SLC39A11: variants seen among roughly 807,000 people sequenced by gnomAD.
SLC39A11 encodes the protein zinc transporter ZIP11.
SLC39A11 carries 33 observed loss-of-function variants against 36.1 expected under a neutral mutation model. That is an observed-to-expected ratio of 0.91 (90% CI 0.69 to 1.22). The LOEUF (loss-of-function observed/expected upper bound fraction) is 1.22. Ranked by LOEUF, SLC39A11 falls within the 50% of genes most tolerant of loss-of-function variation. The pLI is 0.00. For synonymous variants in SLC39A11, 166 were observed against 170.3 expected (o/e 0.97, Z 0.20); for missense variants, 432 against 430.3 (o/e 1.00, Z -0.03).
chr17:72,751,393 C>T (rs141874388), intron 6 of SLC39A11, among the ~76,000 whole-genome samples: 75 of 152,266 alleles, frequency 4.9e-4, no homozygotes, highest in African/African-American at 8.2e-4. Context: ...GGCCCCCATC[C>T]TCTCATCGTC....
chr17:72,861,657 TTATATATATATATATATA>T (rs373265286), intron 5 of SLC39A11, among the ~76,000 whole-genome samples: 6 of 50,952 alleles, frequency 1.2e-4, no homozygotes, highest in South Asian at 1.5e-3. Flanking sequence ...ATACAACACA[TTATATATATATATATATA>T]TATATATATA....
chr17:72,798,476 C>T (rs932621381), intron 6 of SLC39A11, among the ~76,000 whole-genome samples: 7 of 145,808 alleles, frequency 4.8e-5, no homozygotes, highest in African/African-American at 7.5e-5. Flanking sequence ...TGCAATGGCA[C>T]GATCTCAGCT....
chr17:72,947,889 C>A lies in SLC39A11; in HGVS notation c.307-14G>T, dbSNP rs1486056598. ...TTCTGCTGCACCCTGAAACAAGAAG[C>A]GGTAACATCACTAGAGCACCACTAC... On this transcript the variant is annotated splice_polypyrimidine_tract_variant and intron_variant, in intron 4 of 9. Transcript: ENST00000255559. 1 of 1,612,592 alleles carries A rather than the reference C, an allele frequency of 6.2e-7. No individual in the cohort carries two copies. The highest frequency in any genetic ancestry group is 1.1e-5 in the South Asian group (1 of 91,074).
Position 73,031,642 on chromosome 17 carries a change from C to A in SLC39A11, c.220G>T (p.Gly74Cys). Residue 74 changes from glycine to cysteine, a missense_variant, in exon 4 of 10, where the codon GGT becomes TGT. Coordinates refer to ENST00000255559, the MANE Select transcript of SLC39A11 (RefSeq NM_139177.4). ...GCCACAGGGAAGAAGGCAAAGGCAC[C>A]GAAGCCCCCAGAGGACGTGGCCATC... Reference protein sequence around the residue: ...VEMATSSGGFGAFAFFPVAVG... With the variant: ...VEMATSSGGFCAFAFFPVAVG... The A allele has an allele frequency of 2.5e-6, 4 of 1,614,110 alleles. No individual in the cohort carries two copies. The highest frequency in any genetic ancestry group is 3.4e-6 in the Non-Finnish European group (4 of 1,180,024).
intron 3 of SLC39A11, among the ~76,000 whole-genome samples, chr17:73,059,685 G>A (rs1376566131): frequency 7.4e-6 from 1 of 134,802 alleles, no homozygotes; most frequent in Non-Finnish European, 1.6e-5. Flanking sequence ...AATAATATGG[G>A]AAACAACTCC....
At chr17:72,745,558 CTGA>C (rs2074898920) in intron 6 of SLC39A11, among the ~76,000 whole-genome samples, 1 of 152,174 alleles carries the variant, frequency 6.6e-6, no homozygotes, top group Non-Finnish European at 1.5e-5. Context: ...CACAGGCTAA[CTGA>C]AAGCTCAATC....
In SLC39A11 at chr17:72,723,321, A is replaced by AGTGTGTGTGTGTGTGTGTGTGT. The variant is rs10570164; in HGVS notation, c.671+13307_671+13328dup. On this transcript the variant is annotated intron_variant, in intron 7 of 9. Coordinates refer to ENST00000255559, the MANE Select transcript of SLC39A11 (RefSeq NM_139177.4). ...TTCTTTGTCTTTGTAGGAGTGTAAG[A>AGTGTGTGTGTGTGTGTGTGTGT]GTGTGTGTGTGTGTGTGTGTGTGTG... Among the ~76,000 whole-genome samples the AGTGTGTGTGTGTGTGTGTGTGT allele has an allele frequency of 1.9e-3, 282 of 148,542 alleles. 3 individuals are homozygous for AGTGTGTGTGTGTGTGTGTGTGT. Among genetic ancestry groups the AGTGTGTGTGTGTGTGTGTGTGT allele is most frequent in the African/African-American group, 6.1e-3 (244 of 40,108 alleles).
chr17:72,969,967 C>T (rs371399455), intron 4 of SLC39A11, among the ~76,000 whole-genome samples: 19 of 152,306 alleles, frequency 1.2e-4, no homozygotes, highest in Admixed American at 2.6e-4. Context: ...GTCCGGGGAC[C>T]GAAGCCCAGG....
At chr17:72,918,588 G>A (rs985826518) in intron 5 of SLC39A11, among the ~76,000 whole-genome samples, 2 of 152,184 alleles carry the variant, frequency 1.3e-5, no homozygotes, top group African/African-American at 4.8e-5. Flanking sequence ...AGCATCAGAA[G>A]AAGGGTAAAA....
chr17:73,023,486 GTTGT>G (rs965991714), intron 4 of SLC39A11, among the ~76,000 whole-genome samples: 3 of 151,974 alleles, frequency 2.0e-5, no homozygotes, highest in Non-Finnish European at 2.9e-5. Flanking sequence ...TTTTTTTGTT[GTTGT>G]TTGTTTGTTT....
rs1568006938 is a variant in SLC39A11 at position 72,736,702 on chromosome 17, C to T, written c.619G>A (p.Val207Ile). Residue 207 changes from valine (V) to isoleucine (I), a missense_variant, in exon 7 of 10, where the codon GTT becomes ATT. Transcript: ENST00000255559. ...GTCTTTTCTATAGCCCCAAATCCAACTCCAACAGCGAGACCCTCTGAAATA... is the reference window on the plus strand; with the variant it reads ...GTCTTTTCTATAGCCCCAAATCCAATTCCAACAGCGAGACCCTCTGAAATA... ...HNVPEGLAVGVGFGAIEKTAS... is the reference protein window; with the variant it reads ...HNVPEGLAVGIGFGAIEKTAS... 17 of 1,614,082 alleles carry T rather than the reference C, an allele frequency of 1.1e-5. No homozygotes were observed. The highest frequency in any genetic ancestry group is 1.4e-5 in the Non-Finnish European group (17 of 1,179,950).
At chr17:73,055,379 G>A (rs1005763375) in intron 3 of SLC39A11, among the ~76,000 whole-genome samples, 1 of 151,998 alleles carries the variant, frequency 6.6e-6, no homozygotes, top group African/African-American at 2.4e-5. Context: ...CCCGGCAACT[G>A]CAACCTGGCC....
In SLC39A11 at chr17:73,076,455, C is replaced by T. The variant is rs576051936; in HGVS notation, c.147+8353G>A. Among the ~76,000 whole-genome samples, 3 of 152,276 alleles carry T rather than the reference C, an allele frequency of 2.0e-5. No homozygotes were observed. In the East Asian group the frequency reaches 5.8e-4, roughly 29 times the overall value. ...ATATTGTATAAATATGTCACTGCAGCATTATATTACAGATGTATTGCAATG... is the reference window on the plus strand; with the variant it reads ...ATATTGTATAAATATGTCACTGCAGTATTATATTACAGATGTATTGCAATG... On this transcript the variant is annotated intron_variant, in intron 3 of 9. Transcript: ENST00000255559.
intron 5 of SLC39A11, among the ~76,000 whole-genome samples, chr17:72,937,518 G>A (rs558409754): frequency 6.6e-6 from 1 of 152,234 alleles, no homozygotes; most frequent in South Asian, 2.1e-4. Flanking sequence ...GGCCTCAGAA[G>A]GTCTGTAAGG....
At chr17:72,799,641 G>A (rs181986093) in intron 6 of SLC39A11, among the ~76,000 whole-genome samples, 104 of 151,792 alleles carry the variant, frequency 6.9e-4, no homozygotes, top group Admixed American at 3.2e-3. Context: ...ACTGAGATAC[G>A]CCCTGGTCTC....
At chr17:72,902,744 G>C (rs376322605) in intron 5 of SLC39A11, among the ~76,000 whole-genome samples, 11 of 152,268 alleles carry the variant, frequency 7.2e-5, no homozygotes, top group East Asian at 1.9e-4. Context: ...AGGTAAACCA[G>C]GTGTACAATT....
intron 7 of SLC39A11, among the ~76,000 whole-genome samples, chr17:72,677,762 C>T (rs1220173184): frequency 6.6e-6 from 1 of 152,140 alleles, no homozygotes; most frequent in Non-Finnish European, 1.5e-5. Flanking sequence ...TTTTGGTCCT[C>T]CTCCCTAGAG....
At chr17:72,729,893 C>T (rs1409058298) in intron 7 of SLC39A11, among the ~76,000 whole-genome samples, 1 of 152,094 alleles carries the variant, frequency 6.6e-6, no homozygotes, top group African/African-American at 2.4e-5. Context: ...CTTATGCCGC[C>T]TATGGGCTTA....
chr17:73,043,407 C>G (rs1271344067), intron 3 of SLC39A11, among the ~76,000 whole-genome samples: 1 of 152,140 alleles, frequency 6.6e-6, no homozygotes, highest in Non-Finnish European at 1.5e-5. Flanking sequence ...TAAAATCAAC[C>G]TGGAGTTTTC....
Sources: gnomAD v4.1 joint callset for allele counts (sites outside exome capture counted in the v4.1 genomes callset) on GRCh38, gnomAD v4.1.1 for gene constraint, MANE v1.5 for transcripts, NCBI Gene and HGNC (gene_info 2026-07-23, HGNC 2026-07-21) for gene names.